Variants in DGKB observed in about 807,000 individuals in gnomAD.
The protein encoded by DGKB is 90 kDa diacylglycerol kinase.
In DGKB, 67 loss-of-function variants were observed where a neutral mutation model predicts 114.3. The observed-to-expected ratio is 0.59, with a 90% CI of 0.48 to 0.72. DGKB has a LOEUF of 0.72. Ranked by LOEUF, DGKB falls within the 30% of genes least tolerant of loss-of-function variation. DGKB has a pLI of 0.00. For synonymous variants in DGKB, 398 were observed against 323.1 expected (o/e 1.23, Z -2.49); for missense variants, 907 against 975.2 (o/e 0.93, Z 0.93).
chr7:14,824,487 A>G (rs1475127241), intron 2 of DGKB, among the ~76,000 whole-genome samples: 1 of 152,116 alleles, frequency 6.6e-6, no homozygotes, highest in African/African-American at 2.4e-5. Context: ...TCAAATTTAG[A>G]TATTTTGTGA....
chr7:14,974,660 G>C (rs934837564), intron 1 of DGKB: 2 of 152,012 alleles, frequency 1.3e-5, no homozygotes, highest in African/African-American at 4.8e-5. Context: ...TGATCAAAAA[G>C]TTAAAGCATA....
At chr7:14,709,453 A>T (rs1485277539) in intron 6 of DGKB, among the ~76,000 whole-genome samples, 98 of 120,940 alleles carry the variant, frequency 8.1e-4, no homozygotes, top group African/African-American at 2.8e-3. Flanking sequence ...TGACCCAGCC[A>T]TCCCATTACT....
At position 14,451,144 on chromosome 7, in the gene DGKB, G is replaced by T. The variant is rs746109586; in HGVS notation, c.1835+27017C>A. ...TTATATGTCAACTTGGCTGAGCCAT[G>T]AGGTACCCAGATATTTGGTTAAACA... On this transcript the variant is annotated intron_variant, in intron 21 of 25. Coordinates refer to ENST00000402815, the MANE Select transcript of DGKB (RefSeq NM_001350709.2). Among the ~76,000 whole-genome samples, 23 of 152,018 alleles carry T rather than the reference G, an allele frequency of 1.5e-4. 1 individual carries two copies. Among genetic ancestry groups the T allele is most frequent in the Admixed American group, 3.9e-4 (6 of 15,230 alleles).
chr7:14,691,880 G>A (rs1372102996), intron 9 of DGKB, among the ~76,000 whole-genome samples: 1 of 150,780 alleles, frequency 6.6e-6, no homozygotes, highest in Non-Finnish European at 1.5e-5. Context: ...TAAAACCTTA[G>A]ATTTCTCCTA....
At chr7:14,703,439 T>C (rs549633123) in intron 6 of DGKB, among the ~76,000 whole-genome samples, 2 of 152,190 alleles carry the variant, frequency 1.3e-5, no homozygotes, top group African/African-American at 2.4e-5. Context: ...TGAAACTTCT[T>C]CCTATTTTCT....
In DGKB at chr7:14,253,876, G is replaced by T. The variant is rs549318439; in HGVS notation, c.2123-75725C>A. 2.0e-4 allele frequency among the ~76,000 whole-genome samples: 30 copies of T among 152,210 alleles called. No individual in the cohort carries two copies. The East Asian group carries it at 5.0e-3, about 25-fold the overall frequency. On this transcript the variant is annotated intron_variant, in intron 23 of 25. Transcript: ENST00000402815. ...ACTTGCCAGTATCAGTTATGACTAG[G>T]TTAATAAGATCATATTAAAATGAAT...
intron 1 of DGKB, among the ~76,000 whole-genome samples, chr7:14,909,373 T>C (rs1008314787): frequency 5.3e-5 from 8 of 152,192 alleles, no homozygotes; most frequent in Non-Finnish European, 1.0e-4. Context: ...TACTAATCAT[T>C]CTTATATGCT....
chr7:14,801,871 T>C (rs191866868), intron 2 of DGKB, among the ~76,000 whole-genome samples: 246 of 151,836 alleles, frequency 1.6e-3, no homozygotes, highest in Middle Eastern at 3.4e-3. Flanking sequence ...TGTATATATA[T>C]ACATATGTGT....
intron 20 of DGKB, among the ~76,000 whole-genome samples, chr7:14,502,783 C>A (rs1786407319): frequency 6.6e-6 from 1 of 152,144 alleles, no homozygotes; most frequent in African/African-American, 2.4e-5. Flanking sequence ...AGCACCCCAA[C>A]TGCAAAAGCA....
At chr7:14,491,756 A>G (rs1311676512) in intron 20 of DGKB, among the ~76,000 whole-genome samples, 1 of 152,096 alleles carries the variant, frequency 6.6e-6, no homozygotes, top group Admixed American at 6.6e-5. Flanking sequence ...TTTTTAAATG[A>G]TAAATAACAT....
chr7:14,255,830 G>A (rs1795891230), intron 23 of DGKB, among the ~76,000 whole-genome samples: 2 of 149,262 alleles, frequency 1.3e-5, no homozygotes, highest in African/African-American at 2.5e-5. Flanking sequence ...CCATTTCACT[G>A]TTCTGTAAAC....
intron 1 of DGKB, among the ~76,000 whole-genome samples, chr7:14,883,401 A>G (rs1854541822): frequency 6.6e-6 from 1 of 152,008 alleles, no homozygotes; most frequent in Admixed American, 6.6e-5. Flanking sequence ...ACTATCACTG[A>G]ATGCCAGTGA....
At chr7:14,305,648 T>C (rs1168367260) in intron 23 of DGKB, among the ~76,000 whole-genome samples, 1 of 152,194 alleles carries the variant, frequency 6.6e-6, no homozygotes, top group African/African-American at 2.4e-5. Flanking sequence ...GCACAATTGC[T>C]ACTGGCCTCA....
At chr7:14,837,413 T>C (rs1202450216) in intron 2 of DGKB, among the ~76,000 whole-genome samples, 1 of 152,216 alleles carries the variant, frequency 6.6e-6, no homozygotes, top group Non-Finnish European at 1.5e-5. Flanking sequence ...TTTGCTGGAA[T>C]TGGTGTCCCA....
At chr7:14,297,205 T>C (rs530603640) in intron 23 of DGKB, among the ~76,000 whole-genome samples, 41 of 152,258 alleles carry the variant, frequency 2.7e-4, no homozygotes, top group Non-Finnish European at 4.6e-4. Context: ...GCTCATTTTG[T>C]GAGGCCATCA....
Position 14,342,093 on chromosome 7 carries a change from A to G in DGKB, c.1926+3208T>C, listed in dbSNP as rs1405353410. ...ACTCTGTTTTCCAGGTTACTGAGCAATAAGAATATTGTCTTTTGAATCCTG... is the reference window on the plus strand; with the variant it reads ...ACTCTGTTTTCCAGGTTACTGAGCAGTAAGAATATTGTCTTTTGAATCCTG... On this transcript the variant is annotated intron_variant, in intron 22 of 25. Transcript: ENST00000402815. 2.0e-5 allele frequency among the ~76,000 whole-genome samples: 3 copies of G among 151,998 alleles called. No homozygotes were observed. In the East Asian group the frequency reaches 5.8e-4, roughly 29 times the overall value.
chr7:14,593,744 C>A (rs566885799), intron 17 of DGKB, among the ~76,000 whole-genome samples: 2 of 151,484 alleles, frequency 1.3e-5, no homozygotes, highest in Admixed American at 6.6e-5. Context: ...TAGGCCCCAA[C>A]AGACCAGAAC....
intron 1 of DGKB, among the ~76,000 whole-genome samples, chr7:14,876,664 T>C (rs1853337018): frequency 6.6e-6 from 1 of 152,200 alleles, no homozygotes; most frequent in African/African-American, 2.4e-5. Flanking sequence ...TCATGCAACT[T>C]GGTTGCTTTC....
At chr7:14,399,750 C>A (rs1344985157) in intron 21 of DGKB, among the ~76,000 whole-genome samples, 1 of 151,838 alleles carries the variant, frequency 6.6e-6, no homozygotes, top group East Asian at 1.9e-4. Flanking sequence ...AAATCTACTT[C>A]AACAGGGTGT....
Sources: allele counts gnomAD v4.1 joint callset (sites outside exome capture counted in the v4.1 genomes callset), GRCh38; gene constraint gnomAD v4.1.1; transcripts MANE v1.5; gene names NCBI Gene and HGNC (gene_info 2026-07-23, HGNC 2026-07-21).